The following MFSD2A variants were observed in gnomAD, a reference collection of about 807,000 sequenced individuals.
MFSD2A encodes MFSD2 lysolipid transporter A, lysophospholipid.
MFSD2A carries 27 observed loss-of-function variants against 64.7 expected under a neutral mutation model. That is an observed-to-expected ratio of 0.42 (90% confidence interval 0.31 to 0.58). The LOEUF (loss-of-function observed/expected upper bound fraction) is 0.58, where lower values mean the gene tolerates loss of function less well. Ranked by LOEUF, MFSD2A falls within the 20% of genes least tolerant of loss-of-function variation. The probability of loss-of-function intolerance (pLI) is 0.18; values close to 1 mark genes in which losing one functional copy is unlikely to be tolerated. For missense variants in MFSD2A, 474 were observed against 679.5 expected (o/e 0.70, Z 3.36); for synonymous variants, 258 against 273.4 (o/e 0.94, Z 0.55).
rs1168017157 is a variant in MFSD2A at position 39,967,177 on chromosome 1, G to A, written c.1011+8G>A. 38 of 1,613,668 alleles carry A rather than the reference G, an allele frequency of 2.4e-5. No individual in the cohort carries two copies. The highest frequency in any genetic ancestry group is 3.1e-5 in the Non-Finnish European group (36 of 1,179,738). On this transcript the variant is annotated splice_region_variant and intron_variant, in intron 9 of 13. Coordinates refer to ENST00000372811, the MANE Select transcript of MFSD2A (RefSeq NM_032793.5). Reference sequence around the variant, plus strand: ...CTACTCCTGGCCATCATGGTGAGTGGGACCTGAGCAGGGGCGGGCAGCCTG... The same window carrying A: ...CTACTCCTGGCCATCATGGTGAGTGAGACCTGAGCAGGGGCGGGCAGCCTG...
At chr1:39,962,691 G>C in intron 3 of MFSD2A, 2 of 780,350 alleles carry the variant, frequency 2.6e-6, no homozygotes, top group Non-Finnish European at 4.4e-6. Flanking sequence ...CCGAAGCTGC[G>C]GAGCTTGCTG....
rs974694010 is a variant in MFSD2A at position 39,969,853 on chromosome 1, C to G, written c.*285C>G. ...ACTAATGTAGAAACCTTTTTTTTTA[C>G]AGAGCCTAATTAATAACTTAATGAC... On this transcript the variant is annotated 3_prime_UTR_variant, in exon 14 of 14. Coordinates refer to ENST00000372811, the MANE Select transcript of MFSD2A (RefSeq NM_032793.5). The G allele has an allele frequency of 6.4e-6, 3 of 467,102 alleles. No individual in the cohort carries two copies. 28.9% of individuals were successfully genotyped at this position (467,102 alleles called of 1,614,324 possible). A position where few individuals can be genotyped will look rare whatever the true frequency, so the allele number is the denominator to read the frequency against.
At position 39,955,575 on chromosome 1, in the gene MFSD2A, C is replaced by T. The variant is rs1319391878; in HGVS notation, c.93+190C>T. ...CGGAGAAAAGCTGTGGGCGCCCTCG[C>T]CCCCCTTTGCTCACCCGCACTCCAC... On this transcript the variant is annotated intron_variant, in intron 1 of 13. Coordinates refer to ENST00000372811, the MANE Select transcript of MFSD2A (RefSeq NM_032793.5). This position sits in a 1 kb window ranked among gnomAD's most constrained non-coding sequence, Gnocchi z 5.9. 4.2e-6 allele frequency: 3 copies of T among 710,588 alleles called. No individual in the cohort carries two copies. The highest frequency in any genetic ancestry group is 2.7e-5 in the East Asian group (1 of 36,940). 44.0% of individuals were successfully genotyped at this position (710,588 alleles called of 1,614,324 possible). A position where few individuals can be genotyped will look rare whatever the true frequency, so the allele number is the denominator to read the frequency against.
chr1:39,961,028 T>A (rs1645028824), intron 3 of MFSD2A, among the ~76,000 whole-genome samples: 1 of 152,162 alleles, frequency 6.6e-6, no homozygotes, highest in African/African-American at 2.4e-5. Flanking sequence ...TTGCTCAGGC[T>A]GGTCTCAAAC....
At position 39,963,096 on chromosome 1, in the gene MFSD2A, G is replaced by A. The variant is rs1172890697; in HGVS notation, c.354-2115G>A. On this transcript the variant is annotated intron_variant, in intron 3 of 13. Coordinates refer to ENST00000372811, the MANE Select transcript of MFSD2A (RefSeq NM_032793.5). The surrounding 1 kb of genome is among the most constrained non-coding windows in gnomAD (Gnocchi z 4.2). Reference sequence around the variant, plus strand: ...CAAGCCCCACACCGTCCCTTGCAAGGTGACAGGCCGCTGCGGCTCTGTGCT... The same window carrying A: ...CAAGCCCCACACCGTCCCTTGCAAGATGACAGGCCGCTGCGGCTCTGTGCT... The A allele has an allele frequency of 3.5e-5, 48 of 1,364,968 alleles. No homozygotes were observed. The highest frequency in any genetic ancestry group is 1.1e-5 in the Non-Finnish European group (11 of 984,420). 84.6% of individuals were successfully genotyped at this position (1,364,968 alleles called of 1,614,324 possible). A position where few individuals can be genotyped will look rare whatever the true frequency, so the allele number is the denominator to read the frequency against.
In MFSD2A at chr1:39,958,821, C is replaced by A; in HGVS notation, c.349C>A (p.Pro117Thr). The A allele has an allele frequency of 6.2e-7, 1 of 1,606,342 alleles. No homozygotes were observed. The highest frequency in any genetic ancestry group is 8.5e-7 in the Non-Finnish European group (1 of 1,176,088). ...CTGGACCTGCCTGGGTCGCCTTATG[C>A]CCTGGTGAGTAGAATATGCCCCTTC... is the stretch of plus-strand genomic sequence containing the variant. The part of the protein sequence containing the change: ...SPWTCLGRLM[P>T]WIIFSTPLAV... The change falls in exon 3 of 14, where the codon CCC becomes ACC. Residue 117 changes from proline to threonine, a missense_variant. Transcript: ENST00000372811. This position sits in a 1 kb window ranked among gnomAD's most constrained non-coding sequence, Gnocchi z 4.7.
At position 39,955,157 on chromosome 1, in the gene MFSD2A, T is replaced by C; in HGVS notation, c.-136T>C. The C allele has an allele frequency of 1.7e-6, 1 of 603,750 alleles. No individual in the cohort carries two copies. Among genetic ancestry groups the C allele is most frequent in the Non-Finnish European group, 2.5e-6 (1 of 402,044 alleles). 37.4% of individuals were successfully genotyped at this position (603,750 alleles called of 1,614,324 possible). A position where few individuals can be genotyped will look rare whatever the true frequency, so the allele number is the denominator to read the frequency against. On this transcript the variant is annotated 5_prime_UTR_variant, in exon 1 of 14. Transcript: ENST00000372811. The surrounding 1 kb of genome is among the most constrained non-coding windows in gnomAD (Gnocchi z 5.9). ...GGGGGCGTGCAGCAGAGTGCGTTCCTCGTCTGCCAGCCGGCTTGGCTAGCG... is the reference window on the plus strand; with the variant it reads ...GGGGGCGTGCAGCAGAGTGCGTTCCCCGTCTGCCAGCCGGCTTGGCTAGCG...
In MFSD2A at chr1:39,968,555, C is replaced by G. The variant is rs377668312; in HGVS notation, c.1353-14C>G. The G allele has an allele frequency of 1.1e-5, 17 of 1,614,030 alleles. 1 individual carries two copies. Among genetic ancestry groups the G allele is most frequent in the Admixed American group, 6.7e-5 (4 of 60,020 alleles). On this transcript the variant is annotated splice_polypyrimidine_tract_variant and intron_variant, in intron 12 of 13. Coordinates refer to ENST00000372811, the MANE Select transcript of MFSD2A (RefSeq NM_032793.5). This position sits in a 1 kb window ranked among gnomAD's most constrained non-coding sequence, Gnocchi z 4.4. ...CCCCATCTTCACCGTTCTCCTACCC[C>G]CTGGGTCCCATAGCTTTGCAGGGTA...
intron 3 of MFSD2A, among the ~76,000 whole-genome samples, chr1:39,961,029 G>C (rs1446609433): frequency 6.6e-6 from 1 of 152,060 alleles, no homozygotes. Flanking sequence ...TGCTCAGGCT[G>C]GTCTCAAACT....
At position 39,960,633 on chromosome 1, in the gene MFSD2A, G is replaced by T. The variant is rs558116943; in HGVS notation, c.353+1808G>T. Among the ~76,000 whole-genome samples, 8 of 152,378 alleles carry T rather than the reference G, an allele frequency of 5.3e-5. No homozygotes were observed. The highest frequency in any genetic ancestry group is 1.0e-4 in the Non-Finnish European group (7 of 68,042). ...TCCCAGGGATGGTGGCTGCAGGCCG[G>T]GTTACTCCCAGTTACACTGGGTTCC... On this transcript the variant is annotated intron_variant, in intron 3 of 13. Coordinates refer to ENST00000372811, the MANE Select transcript of MFSD2A (RefSeq NM_032793.5). The surrounding 1 kb of genome is among the most constrained non-coding windows in gnomAD (Gnocchi z 4.8).
At chr1:39,959,425 T>G (rs1028251672) in intron 3 of MFSD2A, among the ~76,000 whole-genome samples, 2 of 151,874 alleles carry the variant, frequency 1.3e-5, no homozygotes, top group Admixed American at 6.6e-5. Context: ...TCTTTTAAAA[T>G]TATTATTTGT....
chr1:39,966,161 C>T, intron 6 of MFSD2A, 147 bp downstream of exon 6: 1 of 961,396 alleles, frequency 1.0e-6, no homozygotes, highest in East Asian at 2.7e-5. Flanking sequence ...AATATACCTA[C>T]TTTGCAGAAA....
Position 39,958,864 on chromosome 1 carries a change from G to C in MFSD2A, c.353+39G>C. 7.8e-6 allele frequency: 12 copies of C among 1,547,856 alleles called. No homozygotes were observed. Among genetic ancestry groups the C allele is most frequent in the Non-Finnish European group, 1.0e-5 (12 of 1,146,304 alleles). ...GCCCCTTCGAGGTGGCACAAGGCAG[G>C]ACTTCCAGCATATCTGCTCCTTGGT... On this transcript the variant is annotated intron_variant, in intron 3 of 13. Coordinates refer to ENST00000372811, the MANE Select transcript of MFSD2A (RefSeq NM_032793.5). This position sits in a 1 kb window ranked among gnomAD's most constrained non-coding sequence, Gnocchi z 4.7.
At position 39,966,945 on chromosome 1, in the gene MFSD2A, T is replaced by C. The variant is rs1645176029; in HGVS notation, c.927+13T>C. The C allele has an allele frequency of 1.9e-6, 3 of 1,613,266 alleles. No homozygotes were observed. Among genetic ancestry groups the C allele is most frequent in the Non-Finnish European group, 2.5e-6 (3 of 1,180,018 alleles). On this transcript the variant is annotated intron_variant, in intron 8 of 13. Coordinates refer to ENST00000372811, the MANE Select transcript of MFSD2A (RefSeq NM_032793.5). ...CTTGGCTTTCATGGTGAGTGGGTTC[T>C]GACATGCTCAGCCTGAGAAGGAGGT...
chr1:39,966,551 G>T (rs760088097), intron 6 of MFSD2A, 50 bp from the exon 7 acceptor site: 1 of 1,497,576 alleles, frequency 6.7e-7, no homozygotes, highest in Non-Finnish European at 9.2e-7. Context: ...TGGGGTGCTG[G>T]GATGAGCTCA....
chr1:39,966,751 T>G, intron 7 of MFSD2A, 60 bp downstream of exon 7: 1 of 1,613,438 alleles, frequency 6.2e-7, no homozygotes, highest in Non-Finnish European at 8.5e-7. Flanking sequence ...TCTTTCTGCC[T>G]GGCCCTCAGG....
intron 2 of MFSD2A, 57 bp downstream of exon 2, chr1:39,957,278 G>A: frequency 6.7e-7 from 1 of 1,494,684 alleles, no homozygotes; most frequent in Non-Finnish European, 8.9e-7. Context: ...GAAAGACTAT[G>A]CACCCCTGGG....
At position 39,955,711 on chromosome 1, in the gene MFSD2A, T is replaced by C. The variant is rs1644911676; in HGVS notation, c.93+326T>C. ...GGCTTGCCGCCCCAAACCCCAGAGATGACCCCAGAAATCTGGGAAACTCCC... is the reference window on the plus strand; with the variant it reads ...GGCTTGCCGCCCCAAACCCCAGAGACGACCCCAGAAATCTGGGAAACTCCC... On this transcript the variant is annotated intron_variant, in intron 1 of 13. Transcript: ENST00000372811. The surrounding 1 kb of genome is among the most constrained non-coding windows in gnomAD (Gnocchi z 5.9). 1.7e-6 allele frequency: 1 copy of C among 572,104 alleles called. No individual in the cohort carries two copies. The highest frequency in any genetic ancestry group is 4.0e-5 in the East Asian group (1 of 25,238). 35.4% of individuals were successfully genotyped at this position (572,104 alleles called of 1,614,324 possible).
At position 39,966,916 on chromosome 1, in the gene MFSD2A, C is replaced by G; in HGVS notation, c.911C>G (p.Thr304Ser). The G allele has an allele frequency of 6.2e-7, 1 of 1,613,408 alleles. No homozygotes were observed. The highest frequency in any genetic ancestry group is 8.5e-7 in the Non-Finnish European group (1 of 1,180,040). Residue 304 changes from threonine (T) to serine (S), a missense_variant, in exon 8 of 14, where the codon ACC (threonine) becomes AGC (serine). Thr to Ser is a moderately conservative substitution (Grantham distance 58). Transcript: ENST00000372811. ...AAACTTATTACTGGCTTCCTCTTCACCTCCTTGGCTTTCATGGTGAGTGGG... is the reference window on the plus strand; with the variant it reads ...AAACTTATTACTGGCTTCCTCTTCAGCTCCTTGGCTTTCATGGTGAGTGGG... Reference protein sequence around the residue: ...YIKLITGFLFTSLAFMLVEGN... With the variant: ...YIKLITGFLFSSLAFMLVEGN...
Sources: allele counts gnomAD v4.1 joint callset (sites outside exome capture counted in the v4.1 genomes callset), GRCh38; gene constraint gnomAD v4.1.1; non-coding constraint Gnocchi (gnomAD v3.1); transcripts MANE v1.5; gene names NCBI Gene and HGNC (gene_info 2026-07-23, HGNC 2026-07-21).